Variants in SCGB1D1 observed in about 807,000 individuals in gnomAD.
SCGB1D1 encodes the protein secretoglobin family 1D member 1.
In SCGB1D1, 10 loss-of-function variants were observed where a neutral mutation model predicts 8.3. The observed-to-expected ratio is 1.21, with a 90% CI of 0.74 to 2.05. The LOEUF (loss-of-function observed/expected upper bound fraction) is 2.05, where lower values mean the gene tolerates loss of function less well. Ranked by LOEUF, SCGB1D1 falls within the 30% of genes most tolerant of loss-of-function variation. The pLI, the probability that SCGB1D1 is intolerant of heterozygous loss-of-function variation, is 0.00. For missense variants in SCGB1D1, 94 were observed against 105.1 expected, an observed-to-expected ratio of 0.89 and a Z score of 0.46; for synonymous variants, 46 against 41.7, an observed-to-expected ratio of 1.10 and a Z score of -0.39.
Position 62,193,475 on chromosome 11 carries a change from C to T in SCGB1D1, c.*47C>T. The T allele has an allele frequency of 6.7e-7, 1 of 1,494,500 alleles. No homozygotes were observed. The highest frequency in any genetic ancestry group is 1.4e-5 in the African/African-American group (1 of 72,454). The allele number at this position is 1,494,500 out of a possible 1,614,324, so 92.6% of individuals were successfully genotyped here. ...TAGTTTCCACCATCTTTCAATGATA[C>T]CCTGATCTTCACTGCAGAATGTAAA... On this transcript the variant is annotated 3_prime_UTR_variant, in exon 3 of 3. Transcript: ENST00000306238.
chr11:62,190,735 G>A (rs1944672160), intron 1 of SCGB1D1, among the ~76,000 whole-genome samples: 1 of 152,168 alleles, frequency 6.6e-6, no homozygotes, highest in Non-Finnish European at 1.5e-5. Context: ...AGTGGCAATG[G>A]GAATGGAGTG....
chr11:62,192,968 T>C (rs1944690610), intron 2 of SCGB1D1, among the ~76,000 whole-genome samples: 1 of 152,216 alleles, frequency 6.6e-6, no homozygotes, highest in Non-Finnish European at 1.5e-5. Flanking sequence ...TCATGGAAGC[T>C]GCAGGCTCAG....
chr11:62,191,009 G>T (rs1034521962), intron 1 of SCGB1D1, among the ~76,000 whole-genome samples: 4 of 152,174 alleles, frequency 2.6e-5, no homozygotes, highest in African/African-American at 9.7e-5. Context: ...GGGTCCTACC[G>T]TAATGGTGGT....
Position 62,192,185 on chromosome 11 carries a change from T to C in SCGB1D1, c.185T>C (p.Val62Ala), listed in dbSNP as rs1287444333. Residue 62 changes from valine to alanine, a missense_variant, in exon 2 of 3, where the codon GTG (valine) becomes GCG (alanine). Physicochemically the swap from Val to Ala is moderately conservative, Grantham distance 64. Coordinates refer to ENST00000306238, the MANE Select transcript of SCGB1D1 (RefSeq NM_006552.2). ...GAAGCTGTTGCAGCCAAGATGGAAG[T>C]GAAGAAATGCGTGGATACGATGGCC... ...PLEAVAAKME[V>A]KKCVDTMAYE... is the part of the protein sequence containing the mutation. The C allele has an allele frequency of 6.2e-7, 1 of 1,613,832 alleles. No homozygotes were observed. Among genetic ancestry groups the C allele is most frequent in the Non-Finnish European group, 8.5e-7 (1 of 1,179,790 alleles).
chr11:62,190,877 G>A lies in SCGB1D1; in HGVS notation c.55+538G>A, dbSNP rs113002772. Reference sequence around the variant, plus strand: ...CATTGTAAATTCAGACTCATAAAATGTTACATCTCGAAGGATCCTTGGAGA... The same window carrying A: ...CATTGTAAATTCAGACTCATAAAATATTACATCTCGAAGGATCCTTGGAGA... On this transcript the variant is annotated intron_variant, in intron 1 of 2. Transcript: ENST00000306238. Among the ~76,000 whole-genome samples, 22 of 152,302 alleles carry A rather than the reference G, an allele frequency of 1.4e-4. 1 individual carries two copies. Among genetic ancestry groups the A allele is most frequent in the African/African-American group, 5.1e-4 (21 of 41,562 alleles).
At chr11:62,190,364 G>A in intron 1 of SCGB1D1, 25 bp downstream of exon 1, 1 of 1,614,116 alleles carries the variant, frequency 6.2e-7, no homozygotes, top group Non-Finnish European at 8.5e-7. Context: ...CATGAGTCCA[G>A]CACCAGCCCT....
chr11:62,191,386 C>T (rs1046415507), intron 1 of SCGB1D1, among the ~76,000 whole-genome samples: 2 of 152,172 alleles, frequency 1.3e-5, no homozygotes, highest in Non-Finnish European at 2.9e-5. Context: ...CCTCAGTTCC[C>T]TCCTCTCATC....
Position 62,192,231 on chromosome 11 carries a change from T to G in SCGB1D1, c.231T>G (p.Ile77Met). Reference protein sequence around the residue: ...DTMAYEKRVLITKTLGKIAEK... With the variant: ...DTMAYEKRVLMTKTLGKIAEK... ...TGGCCTATGAGAAAAGAGTGCTAAT[T>G]ACAAAAACATTGGTAATTTCTGTCT... is the stretch of plus-strand genomic sequence containing the variant. The change falls in exon 2 of 3, where the codon ATT becomes ATG. Residue 77 changes from isoleucine to methionine, a missense_variant. By Grantham distance (10) the Ile-to-Met change is conservative (BLOSUM62 1). Transcript: ENST00000306238. The G allele has an allele frequency of 6.2e-7, 1 of 1,605,846 alleles. No individual in the cohort carries two copies. Among genetic ancestry groups the G allele is most frequent in the Non-Finnish European group, 8.5e-7 (1 of 1,174,050 alleles).
chr11:62,193,331 T>A, intron 2 of SCGB1D1, 68 bp from the exon 3 acceptor site: 1 of 1,422,492 alleles, frequency 7.0e-7, no homozygotes, highest in South Asian at 1.2e-5. Context: ...GCCACTTGGA[T>A]GTTAACCTGT....
rs117179550 is a variant in SCGB1D1, at chr11:62,191,339, A to C, written c.56-717A>C. On this transcript the variant is annotated intron_variant, in intron 1 of 2. Transcript: ENST00000306238. Reference sequence around the variant, plus strand: ...CCAGACCAAGCAAAATGATTACTCCAGGTCTTTCCAAAATTCCCAGTGGGA... The same window carrying C: ...CCAGACCAAGCAAAATGATTACTCCCGGTCTTTCCAAAATTCCCAGTGGGA... 9.2e-5 allele frequency among the ~76,000 whole-genome samples: 14 copies of C among 152,278 alleles called. No individual in the cohort carries two copies. In the East Asian group the frequency reaches 2.3e-3, roughly 25 times the overall value.
In SCGB1D1 at chr11:62,190,392, T is replaced by G. The variant is rs937277691; in HGVS notation, c.55+53T>G. The G allele has an allele frequency of 3.2e-5, 52 of 1,609,256 alleles. No individual in the cohort carries two copies. The African/African-American group carries it at 6.7e-4, about 21-fold the overall frequency. On this transcript the variant is annotated intron_variant, in intron 1 of 2. Coordinates refer to ENST00000306238, the MANE Select transcript of SCGB1D1 (RefSeq NM_006552.2). ...CCAGCCCTTGGGACACACCCTTCTC[T>G]GAGCACGAGGTCACCTATTAAGGTT...
rs199673124 is a variant in SCGB1D1 at position 62,192,209 on chromosome 11, C to T, written c.209C>T (p.Ala70Val). The T allele has an allele frequency of 3.1e-6, 5 of 1,612,530 alleles. No homozygotes were observed. The highest frequency in any genetic ancestry group is 1.7e-5 in the Admixed American group (1 of 59,924). Residue 70 changes from alanine to valine, a missense_variant, in exon 2 of 3, where the codon GCC (alanine) becomes GTC (valine). Coordinates refer to ENST00000306238, the MANE Select transcript of SCGB1D1 (RefSeq NM_006552.2). Reference sequence around the variant, plus strand: ...GTGAAGAAATGCGTGGATACGATGGCCTATGAGAAAAGAGTGCTAATTACA... The same window carrying T: ...GTGAAGAAATGCGTGGATACGATGGTCTATGAGAAAAGAGTGCTAATTACA... ...MEVKKCVDTM[A>V]YEKRVLITKT...
intron 2 of SCGB1D1, among the ~76,000 whole-genome samples, chr11:62,192,804 G>A (rs986963781): frequency 2.6e-5 from 4 of 152,152 alleles, no homozygotes; most frequent in African/African-American, 7.2e-5. Context: ...TCCTGACCAC[G>A]GCCAGTGGGC....
chr11:62,192,386 C>G (rs1944685382), intron 2 of SCGB1D1, 143 bp downstream of exon 2: 1 of 681,940 alleles, frequency 1.5e-6, no homozygotes, highest in African/African-American at 1.8e-5. Context: ...TCACCTGGGA[C>G]CACAGGGTGG....
At chr11:62,192,805 G>T (rs772034628) in intron 2 of SCGB1D1, among the ~76,000 whole-genome samples, 2 of 152,132 alleles carry the variant, frequency 1.3e-5, no homozygotes, top group African/African-American at 2.4e-5. Flanking sequence ...CCTGACCACG[G>T]CCAGTGGGCC....
At chr11:62,190,869 C>T (rs1440140305) in intron 1 of SCGB1D1, among the ~76,000 whole-genome samples, 1 of 152,152 alleles carries the variant, frequency 6.6e-6, no homozygotes, top group Non-Finnish European at 1.5e-5. Flanking sequence ...AATTCAGACT[C>T]ATAAAATGTT....
At chr11:62,193,329 G>T in intron 2 of SCGB1D1, 70 bp from the exon 3 acceptor site, 2 of 1,403,758 alleles carry the variant, frequency 1.4e-6, no homozygotes, top group Non-Finnish European at 1.0e-6. Context: ...CGGCCACTTG[G>T]ATGTTAACCT....
chr11:62,193,501 G>A lies in SCGB1D1; in HGVS notation c.*73G>A, dbSNP rs1042630782. 2.3e-6 allele frequency: 3 copies of A among 1,298,140 alleles called. No individual in the cohort carries two copies. The highest frequency in any genetic ancestry group is 1.8e-5 in the Admixed American group (1 of 55,208). The allele number at this position is 1,298,140 out of a possible 1,614,324, so 80.4% of individuals were successfully genotyped here. A position where few individuals can be genotyped will look rare whatever the true frequency, so the allele number is the denominator to read the frequency against. ...CCTGATCTTCACTGCAGAATGTAAAGGTTTCAACGTCTTGCTCTAATAAAT... is the reference window on the plus strand; with the variant it reads ...CCTGATCTTCACTGCAGAATGTAAAAGTTTCAACGTCTTGCTCTAATAAAT... On this transcript the variant is annotated 3_prime_UTR_variant, in exon 3 of 3. Transcript: ENST00000306238.
chr11:62,191,380 A>T (rs1944676891), intron 1 of SCGB1D1, among the ~76,000 whole-genome samples: 1 of 152,196 alleles, frequency 6.6e-6, no homozygotes, highest in African/African-American at 2.4e-5. Context: ...AATGAGCCTC[A>T]GTTCCCTCCT....
Sources: allele counts gnomAD v4.1 joint callset (sites outside exome capture counted in the v4.1 genomes callset), GRCh38; gene constraint gnomAD v4.1.1; transcripts MANE v1.5; gene names NCBI Gene and HGNC (gene_info 2026-07-23, HGNC 2026-07-21).